The following DCUN1D4 variants were observed in gnomAD, a reference collection of about 807,000 sequenced individuals.
DCUN1D4 encodes DCN1-like protein 4.
A neutral mutation model predicts 47.9 loss-of-function variants in DCUN1D4; 22 were observed. The observed-to-expected ratio is 0.46, with a 90% confidence interval of 0.33 to 0.66. The LOEUF (loss-of-function observed/expected upper bound fraction) is 0.66. Ranked by LOEUF, DCUN1D4 falls within the 30% of genes least tolerant of loss-of-function variation. DCUN1D4 has a pLI of 0.02. For missense variants in DCUN1D4, 301 were observed against 340.8 expected (o/e 0.88, Z 0.92); for synonymous variants, 121 against 112.2 (o/e 1.08, Z -0.50).
intron 3 of DCUN1D4, among the ~76,000 whole-genome samples, chr4:51,864,881 T>C (rs1725655974): frequency 6.6e-6 from 1 of 152,222 alleles, no homozygotes; most frequent in Non-Finnish European, 1.5e-5. Flanking sequence ...AGTCGTCTTT[T>C]AGACAACTAT....
At chr4:51,872,040 C>A (rs904429247) in intron 3 of DCUN1D4, among the ~76,000 whole-genome samples, 1 of 152,130 alleles carries the variant, frequency 6.6e-6, no homozygotes, top group Non-Finnish European at 1.5e-5. Context: ...CTGGTTGGTT[C>A]CCCAGGAATG....
intron 3 of DCUN1D4, among the ~76,000 whole-genome samples, chr4:51,867,720 A>G (rs1726186176): frequency 6.6e-6 from 1 of 152,276 alleles, no homozygotes; most frequent in South Asian, 2.1e-4. Flanking sequence ...GGCAGCCATG[A>G]GCTGGCCTGG....
chr4:51,867,117 C>A (rs1726066391), intron 3 of DCUN1D4, among the ~76,000 whole-genome samples: 1 of 152,220 alleles, frequency 6.6e-6, no homozygotes, highest in South Asian at 2.1e-4. Flanking sequence ...GCACAGGCGC[C>A]AGTACAGGCA....
chr4:51,887,271 T>C (rs1729649926), intron 6 of DCUN1D4: 1 of 339,206 alleles, frequency 2.9e-6, no homozygotes, highest in South Asian at 2.2e-5. Context: ...TTGGCTAATG[T>C]TTTTTGTATT....
chr4:51,898,895 A>G (rs1731680212), intron 7 of DCUN1D4, among the ~76,000 whole-genome samples: 1 of 152,236 alleles, frequency 6.6e-6, no homozygotes, highest in Non-Finnish European at 1.5e-5. Context: ...AGGTGGTTGT[A>G]TATCAGCTAA....
chr4:51,892,673 G>A (rs1730611833), intron 7 of DCUN1D4, among the ~76,000 whole-genome samples: 1 of 152,230 alleles, frequency 6.6e-6, no homozygotes, highest in African/African-American at 2.4e-5. Flanking sequence ...ATGTGCGTGT[G>A]TGCATGCGCC....
At position 51,913,432 on chromosome 4, in the gene DCUN1D4, T is replaced by G. The variant is rs377704686; in HGVS notation, c.823+40T>G. The G allele has an allele frequency of 1.4e-4, 229 of 1,581,564 alleles. 1 individual carries two copies. Among genetic ancestry groups the G allele is most frequent in the South Asian group, 1.2e-3 (104 of 89,584 alleles). On this transcript the variant is annotated intron_variant, in intron 10 of 10. Transcript: ENST00000334635. ...TACCATTCTGCCATTCGTGTACATTTCTATATCATCCTCATTGGGAAAAGC... is the reference window on the plus strand; with the variant it reads ...TACCATTCTGCCATTCGTGTACATTGCTATATCATCCTCATTGGGAAAAGC...
chr4:51,867,556 C>T (rs1425794569), intron 3 of DCUN1D4, among the ~76,000 whole-genome samples: 1 of 152,100 alleles, frequency 6.6e-6, no homozygotes, highest in Non-Finnish European at 1.5e-5. Context: ...CAGGCAGGTC[C>T]TCCCGACATC....
chr4:51,834,338 G>A, the DCUN1D4 span, among the ~76,000 whole-genome samples: 2 of 151,384 alleles, frequency 1.3e-5, no homozygotes, highest in African/African-American at 2.4e-5. Flanking sequence ...TCTATACTTC[G>A]TATGTGTGCT....
chr4:51,901,716 G>GT (rs1350371559), intron 8 of DCUN1D4, among the ~76,000 whole-genome samples: 1 of 152,204 alleles, frequency 6.6e-6, no homozygotes. Flanking sequence ...TGGCTTTGGA[G>GT]TTTGAGTACA....
At position 51,863,526 on chromosome 4, in the gene DCUN1D4, G is replaced by A; in HGVS notation, c.96+19G>A. The A allele has an allele frequency of 6.2e-7, 1 of 1,602,584 alleles. No individual in the cohort carries two copies. Among genetic ancestry groups the A allele is most frequent in the Non-Finnish European group, 8.5e-7 (1 of 1,171,884 alleles). On this transcript the variant is annotated intron_variant, in intron 2 of 10. Coordinates refer to ENST00000334635, the MANE Select transcript of DCUN1D4 (RefSeq NM_001040402.3). ...TAAGCTGGTAAGTCATTCTTTTAAA[G>A]ACAAAATTACCAACTGTTTGAAGTA...
intron 1 of DCUN1D4, among the ~76,000 whole-genome samples, chr4:51,846,297 A>G (rs1477743993): frequency 6.6e-6 from 1 of 152,180 alleles, no homozygotes; most frequent in Non-Finnish European, 1.5e-5. Context: ...CACGTTATCC[A>G]GAATTTTTGA....
At chr4:51,903,326 A>G (rs1732392941) in intron 8 of DCUN1D4, among the ~76,000 whole-genome samples, 1 of 152,164 alleles carries the variant, frequency 6.6e-6, no homozygotes, top group African/African-American at 2.4e-5. Flanking sequence ...GTACTGCAGT[A>G]ATGTCTCTGC....
At chr4:51,904,759 C>T (rs1447553628) in intron 8 of DCUN1D4, among the ~76,000 whole-genome samples, 1 of 152,118 alleles carries the variant, frequency 6.6e-6, no homozygotes, top group Non-Finnish European at 1.5e-5. Context: ...TACCTGTTAG[C>T]CTATCTTGGT....
chr4:51,844,717 T>C (rs1312187055), intron 1 of DCUN1D4, among the ~76,000 whole-genome samples: 1 of 151,742 alleles, frequency 6.6e-6, no homozygotes, highest in Non-Finnish European at 1.5e-5. Flanking sequence ...TTGAGGGGTT[T>C]CCTTTAGGGT....
At chr4:51,912,822 G>A (rs1257236971) in intron 9 of DCUN1D4, among the ~76,000 whole-genome samples, 1 of 152,208 alleles carries the variant, frequency 6.6e-6, no homozygotes, top group Non-Finnish European at 1.5e-5. Context: ...GCTTTAAGCC[G>A]AAGGCTTGGC....
At position 51,916,129 on chromosome 4, in the gene DCUN1D4, T is replaced by C. The variant is rs1734301773; in HGVS notation, c.*2545T>C. The C allele has an allele frequency of 1.3e-5, 2 of 152,104 alleles. No individual in the cohort carries two copies. The highest frequency in any genetic ancestry group is 2.9e-5 in the Non-Finnish European group (2 of 67,994). The allele number at this position is 152,104 out of a possible 1,614,324, so 9.4% of individuals were successfully genotyped here. A position where few individuals can be genotyped will look rare whatever the true frequency, so the allele number is the denominator to read the frequency against. ...AGGGTGCCTTCATCTGGGTTTTCTT[T>C]AGTACCTAAGTCTACAACCCTTTCT... is the stretch of plus-strand genomic sequence containing the variant. On this transcript the variant is annotated 3_prime_UTR_variant, in exon 11 of 11. Coordinates refer to ENST00000334635, the MANE Select transcript of DCUN1D4 (RefSeq NM_001040402.3).
upstream of DCUN1D4, chr4:51,842,920 G>A (rs752482659): frequency 2.8e-5 from 16 of 580,078 alleles, no homozygotes; most frequent in African/African-American, 3.9e-5. Context: ...GACAGCAGCC[G>A]GGCCCAACCC....
chr4:51,914,951 A>AT lies in DCUN1D4; in HGVS notation c.*1370dup, dbSNP rs1734187452. 6.6e-6 allele frequency: 1 copy of AT among 151,732 alleles called. No individual in the cohort carries two copies. The highest frequency in any genetic ancestry group is 1.5e-5 in the Non-Finnish European group (1 of 67,934). The allele number at this position is 151,732 out of a possible 1,614,324, so 9.4% of individuals were successfully genotyped here. A position where few individuals can be genotyped will look rare whatever the true frequency, so the allele number is the denominator to read the frequency against. The stretch of plus-strand genomic sequence containing the variant: ...TCTGTGAAAACACAAAAGTCTAATG[A>AT]TTTGAGTGAGTAAAAGGTAATGGTG... On this transcript the variant is annotated 3_prime_UTR_variant, in exon 11 of 11. Transcript: ENST00000334635.
Sources: allele counts gnomAD v4.1 joint callset (sites outside exome capture counted in the v4.1 genomes callset), GRCh38; gene constraint gnomAD v4.1.1; transcripts MANE v1.5; gene names NCBI Gene and HGNC (gene_info 2026-07-23, HGNC 2026-07-21).